NOP53: variants seen among roughly 807,000 people sequenced by gnomAD.
NOP53 encodes the protein NOP53 ribosome biogenesis factor, also known as ribosome biogenesis protein NOP53.
In NOP53, 40 loss-of-function variants were observed where a neutral mutation model predicts 61.0. The observed-to-expected ratio is 0.66, with a 90% CI of 0.51 to 0.85. The LOEUF is 0.85. Among genes scored for constraint, NOP53 ranks in the 40% least tolerant of loss-of-function variants. The probability of loss-of-function intolerance (pLI) is 0.00; values close to 1 mark genes in which losing one functional copy is unlikely to be tolerated. For synonymous variants in NOP53, 308 were observed against 289.5 expected, an observed-to-expected ratio of 1.06 and a Z score of -0.65; for missense variants, 689 against 652.9, an observed-to-expected ratio of 1.06 and a Z score of -0.60.
intron 1 of NOP53, 184 bp from the exon 2 acceptor site, chr19:47,746,783 G>A (rs986151699): frequency 9.4e-6 from 5 of 533,366 alleles, no homozygotes; most frequent in African/African-American, 3.9e-5. Flanking sequence ...GATTACAGGC[G>A]TGAGCCACTG....
At chr19:47,745,857 A>G in intron 1 of NOP53, 74 bp downstream of exon 1, 1 of 187,610 alleles carries the variant, frequency 5.3e-6, no homozygotes, top group African/African-American at 6.9e-5. Context: ...GCTTGCGTGG[A>G]CTCGTCGGGG....
chr19:47,753,866 G>C (rs2123676856), intron 6 of NOP53: 1 of 152,286 alleles, frequency 6.6e-6, no homozygotes, highest in African/African-American at 2.4e-5. Flanking sequence ...CATTTTCACT[G>C]TCCGTAAAGG....
rs762835743 is a variant in NOP53, at chr19:47,750,315, C to A, written c.398+29C>A. ...AGTGTCCCAGCATCCCTGGGCCCTT[C>A]TTTCCCACCAGACTCTGGTCCTAAA... On this transcript the variant is annotated intron_variant, in intron 3 of 12. Coordinates refer to ENST00000246802, the MANE Select transcript of NOP53 (RefSeq NM_015710.5). 3.6e-6 allele frequency: 5 copies of A among 1,376,348 alleles called. No individual in the cohort carries two copies. In the African/African-American group the frequency reaches 7.1e-5, roughly 20 times the overall value. The allele number at this position is 1,376,348 out of a possible 1,614,324, so 85.3% of individuals were successfully genotyped here. A position where few individuals can be genotyped will look rare whatever the true frequency, so the allele number is the denominator to read the frequency against.
At position 47,746,964 on chromosome 19, in the gene NOP53, C is replaced by T. The variant is rs200323031; in HGVS notation, c.225-3C>T. 17 of 1,612,556 alleles carry T rather than the reference C, an allele frequency of 1.1e-5. No homozygotes were observed. The highest frequency in any genetic ancestry group is 9.9e-5 in the South Asian group (9 of 91,038). On this transcript the variant is annotated splice_polypyrimidine_tract_variant and splice_region_variant and intron_variant, in intron 1 of 12. Transcript: ENST00000246802. ...GCTGATGTTCTGCATTTCTGTCCCC[C>T]AGTGGCTTGTTGTCAGAGGCCCCAA...
Position 47,754,532 on chromosome 19 carries a change from G to A in NOP53, c.771G>A (p.Leu257=). The change falls in exon 7 of 13, where the codon CTG becomes CTA. Residue 257 remains leucine (L), a synonymous_variant. Coordinates refer to ENST00000246802, the MANE Select transcript of NOP53 (RefSeq NM_015710.5). The surrounding 1 kb of genome is among the most constrained non-coding windows in gnomAD (Gnocchi z 4.2). ...YNPSFEDHQT[L]LSAAHEVELQ... is the part of the protein sequence containing the mutation. Reference sequence around the variant, plus strand: ...TCCTCACTCCCGCCCCTCAGACCCTGCTCTCAGCGGCCCACGAGGTGGAGT... The same window carrying A: ...TCCTCACTCCCGCCCCTCAGACCCTACTCTCAGCGGCCCACGAGGTGGAGT... 6.5e-7 allele frequency: 1 copy of A among 1,549,932 alleles called. No homozygotes were observed. The highest frequency in any genetic ancestry group is 8.7e-7 in the Non-Finnish European group (1 of 1,147,164).
rs1280947305 is a variant in NOP53, at chr19:47,756,718, G to A, written c.1404G>A (p.Val468=). ...KFKRKYKVKL[V]EKRAFREIQL The stretch of plus-strand genomic sequence containing the variant: ...AACGCAAGTACAAGGTGAAGCTGGT[G>A]GAGAAGCGGGCGTTCCGTGAGATCC... The change falls in exon 12 of 13, where the codon GTG becomes GTA. Residue 468 remains valine, a synonymous_variant. Transcript: ENST00000246802. The A allele has an allele frequency of 6.2e-7, 1 of 1,613,678 alleles. No individual in the cohort carries two copies. Among genetic ancestry groups the A allele is most frequent in the East Asian group, 2.2e-5 (1 of 44,852 alleles).
In NOP53 at chr19:47,755,518, G is replaced by T; in HGVS notation, c.1224G>T (p.Arg408=). The change falls in exon 9 of 13, where the codon CGG becomes CGT. Residue 408 remains arginine (R), a synonymous_variant. Transcript: ENST00000246802. Reference sequence around the variant, plus strand: ...CTGACAAGCCCCGAAGGCTGGGGCGGCTCAAGTGAGAACCAGGCCGGGGGT... The same window carrying T: ...CTGACAAGCCCCGAAGGCTGGGGCGTCTCAAGTGAGAACCAGGCCGGGGGT... ...AEADKPRRLG[R]LKYQAPDIDV... is the part of the protein sequence containing the mutation. 6.8e-7 allele frequency: 1 copy of T among 1,468,926 alleles called. No individual in the cohort carries two copies. 91.0% of individuals were successfully genotyped at this position (1,468,926 alleles called of 1,614,324 possible).
chr19:47,747,769 T>TTC, intron 2 of NOP53, among the ~76,000 whole-genome samples: 1 of 143,672 alleles, frequency 7.0e-6, no homozygotes, highest in East Asian at 2.0e-4. Flanking sequence ...TTCTTTTCTT[T>TTC]TCTCTCTCTC....
In NOP53 at chr19:47,747,980, A is replaced by G. The variant is rs148660467; in HGVS notation, c.289+949A>G. ...TTTTTAGTAGAGATGGGGTTTCTCT[A>G]TGTTGGTCAGGCTGGTCTCGAACTC... On this transcript the variant is annotated intron_variant, in intron 2 of 12. Transcript: ENST00000246802. Among the ~76,000 whole-genome samples, 795 of 151,658 alleles carry G rather than the reference A, an allele frequency of 5.2e-3. 5 individuals carry two copies. The highest frequency in any genetic ancestry group is 0.019 in the African/African-American group (768 of 41,364).
At position 47,754,370 on chromosome 19, in the gene NOP53, T is replaced by C. The variant is rs945641816; in HGVS notation, c.766-157T>C. ...GGGTTTGAGGTGCCCTCTGGCTCTG[T>C]GCAGGGTGGGTGTGCTGGTAGACGG... On this transcript the variant is annotated intron_variant, in intron 6 of 12. Transcript: ENST00000246802. This position sits in a 1 kb window ranked among gnomAD's most constrained non-coding sequence, Gnocchi z 4.2. 2.6e-5 allele frequency: 17 copies of C among 651,120 alleles called. No homozygotes were observed. In the Admixed American group the frequency reaches 3.5e-4, roughly 14 times the overall value. The allele number at this position is 651,120 out of a possible 1,614,324, so 40.3% of individuals were successfully genotyped here.
rs1168604679 is a variant in NOP53 at position 47,751,042 on chromosome 19, C to T, written c.533C>T (p.Thr178Ile). Residue 178 changes from threonine to isoleucine, a missense_variant, in exon 4 of 13, where the codon ACA becomes ATA. Thr to Ile is a moderately conservative substitution (Grantham distance 89). Coordinates refer to ENST00000246802, the MANE Select transcript of NOP53 (RefSeq NM_015710.5). ...GCCCGGCTCCTCAACCCTTCTGCAACAAGGGCCAAGCCCGGGCCCCAGGAC... is the reference window on the plus strand; with the variant it reads ...GCCCGGCTCCTCAACCCTTCTGCAATAAGGGCCAAGCCCGGGCCCCAGGAC... ...AQARLLNPSA[T>I]RAKPGPQDTV... 6.2e-7 allele frequency: 1 copy of T among 1,607,286 alleles called. No homozygotes were observed. The highest frequency in any genetic ancestry group is 2.2e-5 in the East Asian group (1 of 44,692).
intron 2 of NOP53, among the ~76,000 whole-genome samples, chr19:47,747,620 A>T (rs1967079892): frequency 6.8e-6 from 1 of 146,818 alleles, no homozygotes; most frequent in Non-Finnish European, 1.5e-5. Context: ...CCAGCCTGGG[A>T]TTACTATTAT....
intron 1 of NOP53, chr19:47,746,189 T>C (rs896913989): frequency 2.5e-5 from 4 of 158,772 alleles, no homozygotes; most frequent in African/African-American, 9.6e-5. Context: ...TATATATATG[T>C]ATATATATAT....
At position 47,755,461 on chromosome 19, in the gene NOP53, G is replaced by GC; in HGVS notation, c.1167_1168insC (p.Arg390GlnfsTer10). 6 of 1,501,978 alleles carry GC rather than the reference G, an allele frequency of 4.0e-6. No individual in the cohort carries two copies. Among genetic ancestry groups the GC allele is most frequent in the Non-Finnish European group, 4.4e-6 (5 of 1,129,950 alleles). 93.0% of individuals were successfully genotyped at this position (1,501,978 alleles called of 1,614,324 possible). On this transcript the variant is annotated frameshift_variant, in exon 9 of 13. Transcript: ENST00000246802. LOFTEE classifies it high-confidence loss of function. ...GGCTGGCGGAGCTGGCGCGGCGGCA[G>GC]AGGCGGCGGCAGGCGCGGCGGGAGG...
At chr19:47,751,227 C>G in intron 4 of NOP53, 120 bp downstream of exon 4, 3 of 964,378 alleles carry the variant, frequency 3.1e-6, no homozygotes, top group Non-Finnish European at 4.7e-6. Flanking sequence ...CTTTGGTGAC[C>G]TCCCAGCAGA....
At position 47,750,306 on chromosome 19, in the gene NOP53, T is replaced by A. The variant is rs1410065071; in HGVS notation, c.398+20T>A. The A allele has an allele frequency of 7.0e-7, 1 of 1,431,472 alleles. No homozygotes were observed. The highest frequency in any genetic ancestry group is 1.4e-5 in the African/African-American group (1 of 71,236). The allele number at this position is 1,431,472 out of a possible 1,614,324, so 88.7% of individuals were successfully genotyped here. A position where few individuals can be genotyped will look rare whatever the true frequency, so the allele number is the denominator to read the frequency against. ...CAAAGAGTGAGTGTCCCAGCATCCC[T>A]GGGCCCTTCTTTCCCACCAGACTCT... On this transcript the variant is annotated intron_variant, in intron 3 of 12. Coordinates refer to ENST00000246802, the MANE Select transcript of NOP53 (RefSeq NM_015710.5).
chr19:47,746,749 C>G, intron 1 of NOP53: 1 of 438,762 alleles, frequency 2.3e-6, no homozygotes, highest in Non-Finnish European at 4.1e-6. Flanking sequence ...GTGAGCCACC[C>G]GCCTGGGCCT....
intron 3 of NOP53, 35 bp from the exon 4 acceptor site, chr19:47,750,873 C>T (rs754496844): frequency 1.3e-6 from 2 of 1,541,740 alleles, no homozygotes; most frequent in East Asian, 2.4e-5. Flanking sequence ...GCTGCCACCT[C>T]ACCTGCTGCA....
intron 1 of NOP53, chr19:47,746,709 G>T: frequency 2.9e-6 from 1 of 349,632 alleles, no homozygotes; most frequent in Non-Finnish European, 5.3e-6. Flanking sequence ...CACCATGTTG[G>T]CCAGGCTGCT....
Sources: gnomAD v4.1 joint callset for allele counts (sites outside exome capture counted in the v4.1 genomes callset) on GRCh38, gnomAD v4.1.1 for gene constraint, Gnocchi (gnomAD v3.1) non-coding constraint, MANE v1.5 for transcripts, NCBI Gene and HGNC (gene_info 2026-07-23, HGNC 2026-07-21) for gene names.